Variants in SHISA9 observed in about 807,000 individuals in gnomAD.
SHISA9 encodes the protein shisa family member 9, also known as protein shisa-9.
In SHISA9, 13 loss-of-function variants were observed where a neutral mutation model predicts 38.0. The ratio of observed to expected loss-of-function variants is 0.34; its 90% CI spans 0.22 to 0.54. The LOEUF is 0.54. Among genes scored for constraint, SHISA9 ranks in the 20% least tolerant of loss-of-function variants. The pLI is 0.91. For missense variants in SHISA9, 538 were observed against 575.8 expected (o/e 0.93, Z 0.67); for synonymous variants, 275 against 242.0 (o/e 1.14, Z -1.27).
chr16:13,411,026 GTTC>G, the SHISA9 span, among the ~76,000 whole-genome samples: 1 of 152,184 alleles, frequency 6.6e-6, no homozygotes, highest in Non-Finnish European at 1.5e-5. Flanking sequence ...AGGTACCAGA[GTTC>G]TTCTAGGTGA....
the SHISA9 span, among the ~76,000 whole-genome samples, chr16:13,251,098 A>T: frequency 6.6e-6 from 1 of 152,116 alleles, no homozygotes; most frequent in African/African-American, 2.4e-5. Flanking sequence ...TTCCTGCAGG[A>T]TTTCTGTGAG....
At chr16:13,457,261 G>A in the SHISA9 span, among the ~76,000 whole-genome samples, 2 of 152,254 alleles carry the variant, frequency 1.3e-5, no homozygotes, top group East Asian at 1.9e-4. Flanking sequence ...AGCCAAGATC[G>A]CACCATTGCA....
At chr16:13,153,702 G>C (rs573319438) in intron 2 of SHISA9, among the ~76,000 whole-genome samples, 1 of 152,254 alleles carries the variant, frequency 6.6e-6, no homozygotes, top group South Asian at 2.1e-4. Context: ...GATGTTCCAG[G>C]ATGTTTGCCA....
chr16:12,977,921 C>T (rs898369043), intron 2 of SHISA9, among the ~76,000 whole-genome samples: 10 of 152,000 alleles, frequency 6.6e-5, no homozygotes, highest in Non-Finnish European at 5.9e-5. Flanking sequence ...CACCATGACA[C>T]ACATTCACCT....
At chr16:13,485,772 A>T in the SHISA9 span, among the ~76,000 whole-genome samples, 1 of 152,038 alleles carries the variant, frequency 6.6e-6, no homozygotes, top group South Asian at 2.1e-4. Context: ...CCCTTAACCA[A>T]CTTTTCTTCA....
chr16:12,969,074 T>C (rs1285381135), intron 2 of SHISA9, among the ~76,000 whole-genome samples: 2 of 151,760 alleles, frequency 1.3e-5, no homozygotes, highest in African/African-American at 2.4e-5. Context: ...GGAGAATCGC[T>C]TGAACCTAGG....
the SHISA9 span, among the ~76,000 whole-genome samples, chr16:13,533,351 T>G: frequency 6.6e-6 from 1 of 152,206 alleles, no homozygotes; most frequent in Admixed American, 6.5e-5. Flanking sequence ...CAGCTCAGAA[T>G]GATTGGAGAA....
At chr16:12,985,509 A>T (rs564786211) in intron 2 of SHISA9, among the ~76,000 whole-genome samples, 1 of 152,280 alleles carries the variant, frequency 6.6e-6, no homozygotes, top group Non-Finnish European at 1.5e-5. Flanking sequence ...GCACTCTATT[A>T]CGTTTTAACT....
At chr16:13,415,328 A>T in the SHISA9 span, among the ~76,000 whole-genome samples, 3 of 152,162 alleles carry the variant, frequency 2.0e-5, no homozygotes, top group Non-Finnish European at 4.4e-5. Context: ...GCAAACTAAC[A>T]CAGGGACAAA....
chr16:13,558,439 A>G, the SHISA9 span, among the ~76,000 whole-genome samples: 1 of 152,344 alleles, frequency 6.6e-6, no homozygotes, highest in South Asian at 2.1e-4. Flanking sequence ...ATCCTGAGCC[A>G]TGGCTCCTAA....
chr16:13,535,239 C>G, the SHISA9 span, among the ~76,000 whole-genome samples: 1 of 152,100 alleles, frequency 6.6e-6, no homozygotes, highest in East Asian at 1.9e-4. Flanking sequence ...GAGTGAGACT[C>G]CATCTCAAAA....
chr16:13,466,329 G>A, the SHISA9 span, among the ~76,000 whole-genome samples: 7 of 152,188 alleles, frequency 4.6e-5, no homozygotes, highest in East Asian at 1.9e-4. Context: ...ATACTGCTCC[G>A]CAATGGCAGT....
intron 2 of SHISA9, among the ~76,000 whole-genome samples, chr16:13,003,354 T>A (rs2072550048): frequency 6.6e-6 from 1 of 152,228 alleles, no homozygotes; most frequent in South Asian, 2.1e-4. Flanking sequence ...TAGACCTGGA[T>A]CTCTCTGCCC....
intron 1 of SHISA9, among the ~76,000 whole-genome samples, chr16:12,904,418 G>A (rs2071065659): frequency 1.3e-5 from 2 of 152,190 alleles, no homozygotes; most frequent in Non-Finnish European, 2.9e-5. Context: ...GGCATCTGTG[G>A]GAGAAAGTGA....
chr16:13,305,825 C>T, the SHISA9 span, among the ~76,000 whole-genome samples: 1 of 152,180 alleles, frequency 6.6e-6, no homozygotes. Flanking sequence ...GAGGTGATTA[C>T]ACAAGTTTGG....
At chr16:13,302,363 TA>T in the SHISA9 span, among the ~76,000 whole-genome samples, 1 of 152,128 alleles carries the variant, frequency 6.6e-6, no homozygotes, top group African/African-American at 2.4e-5. Flanking sequence ...TAAATAGTTC[TA>T]AAACTGAACC....
the SHISA9 span, among the ~76,000 whole-genome samples, chr16:13,506,541 C>T: frequency 6.6e-6 from 1 of 152,100 alleles, no homozygotes; most frequent in Non-Finnish European, 1.5e-5. Context: ...AGCAAAAGAC[C>T]TGATGGAATT....
At chr16:13,455,447 A>G in the SHISA9 span, among the ~76,000 whole-genome samples, 11 of 152,162 alleles carry the variant, frequency 7.2e-5, no homozygotes, top group African/African-American at 2.7e-4. Flanking sequence ...GAAACCAGTA[A>G]AAAGGAGTCC....
the SHISA9 span, among the ~76,000 whole-genome samples, chr16:13,349,335 T>C: frequency 6.6e-6 from 1 of 152,190 alleles, no homozygotes; most frequent in African/African-American, 2.4e-5. Flanking sequence ...CTCTGGGTTC[T>C]TCAGAAAATA....
Sources: gnomAD v4.1 joint callset for allele counts (sites outside exome capture counted in the v4.1 genomes callset) on GRCh38, gnomAD v4.1.1 for gene constraint, MANE v1.5 for transcripts, NCBI Gene and HGNC (gene_info 2026-07-23, HGNC 2026-07-21) for gene names.